The following TTC28 variants were observed in gnomAD, a reference collection of about 807,000 sequenced individuals.
TTC28 encodes the protein tetratricopeptide repeat protein 28.
In TTC28, 61 loss-of-function variants were observed where a neutral mutation model predicts 198.0. The ratio of observed to expected loss-of-function variants is 0.31; its 90% CI spans 0.25 to 0.38. TTC28 has a LOEUF of 0.38. Ranked by LOEUF, TTC28 falls within the 10% of genes least tolerant of loss-of-function variation. TTC28 has a pLI of 1.00. For missense variants in TTC28, 2,678 were observed against 3,164.0 expected (o/e 0.85, Z 3.69); for synonymous variants, 1,171 against 1,297.8 (o/e 0.90, Z 2.10).
chr22:28,266,072 C>T (rs1395528884), intron 5 of TTC28, among the ~76,000 whole-genome samples: 2 of 151,152 alleles, frequency 1.3e-5, no homozygotes, highest in African/African-American at 4.9e-5. Flanking sequence ...CCCAGTTACT[C>T]AGGAAGTTGA....
At chr22:28,028,893 C>G in intron 13 of TTC28, 1 of 427,986 alleles carries the variant, frequency 2.3e-6, no homozygotes, top group East Asian at 7.2e-5. Flanking sequence ...TCACAGATGA[C>G]GAGACTGAGG....
intron 3 of TTC28, among the ~76,000 whole-genome samples, chr22:28,299,665 T>A (rs2044977164): frequency 6.6e-6 from 1 of 152,180 alleles, no homozygotes; most frequent in African/African-American, 2.4e-5. Context: ...CACATCAGCA[T>A]CCCACTGGCC....
At chr22:28,443,158 G>C (rs1273625090) in intron 2 of TTC28, 1 of 152,232 alleles carries the variant, frequency 6.6e-6, no homozygotes, top group Non-Finnish European at 1.5e-5. Context: ...GCGTACTCCT[G>C]CCAGAGCGGG....
At chr22:28,571,585 AAGGGCAGC>A (rs1226289213) in intron 2 of TTC28, among the ~76,000 whole-genome samples, 1 of 152,212 alleles carries the variant, frequency 6.6e-6, no homozygotes, top group Non-Finnish European at 1.5e-5. Context: ...ATTTATCCTG[AAGGGCAGC>A]AGGATAATCT....
chr22:28,549,358 A>G (rs1042993030), intron 2 of TTC28, among the ~76,000 whole-genome samples: 6 of 152,070 alleles, frequency 3.9e-5, no homozygotes, highest in Non-Finnish European at 8.8e-5. Flanking sequence ...GCACACTATT[A>G]TTGTCTATTG....
At chr22:28,438,189 T>C (rs191497161) in intron 2 of TTC28, among the ~76,000 whole-genome samples, 8 of 152,302 alleles carry the variant, frequency 5.3e-5, no homozygotes, top group African/African-American at 1.7e-4. Context: ...AATATAATAA[T>C]ACCAACTAGC....
chr22:28,535,854 A>G (rs1011121916), intron 2 of TTC28, among the ~76,000 whole-genome samples: 4 of 151,998 alleles, frequency 2.6e-5, no homozygotes, highest in African/African-American at 9.7e-5. Context: ...TCTCCCCAGG[A>G]GCAGAAGCCT....
intron 5 of TTC28, among the ~76,000 whole-genome samples, chr22:28,244,535 G>C (rs779111926): frequency 6.6e-6 from 1 of 152,158 alleles, no homozygotes; most frequent in Non-Finnish European, 1.5e-5. Flanking sequence ...ATAGGCAAGT[G>C]CTCTTGAATG....
At chr22:28,604,420 C>T (rs1023162245) in intron 2 of TTC28, among the ~76,000 whole-genome samples, 1 of 150,796 alleles carries the variant, frequency 6.6e-6, no homozygotes, top group African/African-American at 2.4e-5. Context: ...ACTCTGGAAA[C>T]TCCTGGGATA....
intron 2 of TTC28, among the ~76,000 whole-genome samples, chr22:28,468,031 A>T (rs1303683534): frequency 6.6e-6 from 1 of 152,000 alleles, no homozygotes; most frequent in East Asian, 1.9e-4. Context: ...TCAGTCTCCC[A>T]AAGTGCTAGG....
chr22:28,193,713 G>C (rs1925112346), intron 5 of TTC28, among the ~76,000 whole-genome samples: 1 of 152,094 alleles, frequency 6.6e-6, no homozygotes, highest in Admixed American at 6.5e-5. Context: ...ATGTTAAAGG[G>C]ATCAATTCAA....
At chr22:28,363,876 C>G (rs1382971146) in intron 2 of TTC28, among the ~76,000 whole-genome samples, 4 of 152,184 alleles carry the variant, frequency 2.6e-5, no homozygotes, top group Admixed American at 1.3e-4. Flanking sequence ...TACCCAATGC[C>G]TGTACCCCCA....
At chr22:28,427,758 G>C (rs928805805) in intron 2 of TTC28, among the ~76,000 whole-genome samples, 8 of 151,422 alleles carry the variant, frequency 5.3e-5, no homozygotes, top group African/African-American at 1.9e-4. Flanking sequence ...AAATACAAAT[G>C]TTTATGTTAT....
intron 12 of TTC28, among the ~76,000 whole-genome samples, chr22:28,072,846 G>C (rs1199483449): frequency 6.6e-6 from 1 of 152,212 alleles, no homozygotes; most frequent in African/African-American, 2.4e-5. Flanking sequence ...ACACAATGGG[G>C]CCTCATAGCC....
chr22:27,988,477 G>A (rs1175923007), intron 21 of TTC28, among the ~76,000 whole-genome samples: 2 of 151,776 alleles, frequency 1.3e-5, no homozygotes, highest in Non-Finnish European at 2.9e-5. Context: ...TAGTAGAGAC[G>A]GGGTTTCTCC....
At chr22:28,209,691 G>A (rs1487745762) in intron 5 of TTC28, among the ~76,000 whole-genome samples, 1 of 152,220 alleles carries the variant, frequency 6.6e-6, no homozygotes, top group African/African-American at 2.4e-5. Flanking sequence ...GCCTGCCTCT[G>A]CAGACTCCAC....
intron 2 of TTC28, among the ~76,000 whole-genome samples, chr22:28,365,530 T>C (rs997846340): frequency 6.6e-6 from 1 of 152,230 alleles, no homozygotes; most frequent in Non-Finnish European, 1.5e-5. Context: ...CATGCAAGCA[T>C]AAGCCATCCA....
At chr22:28,054,664 A>T (rs1021258025) in intron 12 of TTC28, among the ~76,000 whole-genome samples, 2 of 152,100 alleles carry the variant, frequency 1.3e-5, no homozygotes, top group African/African-American at 4.8e-5. Flanking sequence ...CCCTCCACAC[A>T]TATCTGCTGC....
At chr22:28,142,234 C>T (rs1756609603) in intron 6 of TTC28, among the ~76,000 whole-genome samples, 1 of 152,192 alleles carries the variant, frequency 6.6e-6, no homozygotes, top group South Asian at 2.1e-4. Flanking sequence ...CTCACCAGAT[C>T]ATGTATGTCT....
Sources: allele counts gnomAD v4.1 joint callset (sites outside exome capture counted in the v4.1 genomes callset), GRCh38; gene constraint gnomAD v4.1.1; transcripts MANE v1.5; gene names NCBI Gene and HGNC (gene_info 2026-07-23, HGNC 2026-07-21).